The following BCL2 variants were observed in gnomAD, a reference collection of about 807,000 sequenced individuals.
BCL2 encodes the protein BCL2 apoptosis regulator.
In BCL2, 1 loss-of-function variant was observed where a neutral mutation model predicts 14.2. The observed-to-expected ratio is 0.07, with a 90% CI of 0.02 to 0.33. BCL2 has a LOEUF of 0.33. Among genes scored for constraint, BCL2 ranks in the 10% least tolerant of loss-of-function variants. The probability of loss-of-function intolerance (pLI) is 0.99; values close to 1 mark genes in which losing one functional copy is unlikely to be tolerated. For synonymous variants in BCL2, 151 were observed against 137.2 expected, an observed-to-expected ratio of 1.10 and a Z score of -0.70; for missense variants, 247 against 305.9, an observed-to-expected ratio of 0.81 and a Z score of 1.44.
chr18:63,230,034 T>C (rs960080040), intron 2 of BCL2, among the ~76,000 whole-genome samples: 2 of 152,204 alleles, frequency 1.3e-5, no homozygotes, highest in Non-Finnish European at 2.9e-5. Flanking sequence ...TTATACAAGC[T>C]TCAGCTAATG....
At chr18:63,304,277 T>A (rs1913053171) in intron 2 of BCL2, among the ~76,000 whole-genome samples, 1 of 152,226 alleles carries the variant, frequency 6.6e-6, no homozygotes, top group Non-Finnish European at 1.5e-5. Flanking sequence ...GAACAATGAT[T>A]GGCCCAGAGT....
chr18:63,251,219 G>A (rs1039458862), intron 2 of BCL2, among the ~76,000 whole-genome samples: 13 of 152,034 alleles, frequency 8.6e-5, no homozygotes, highest in Non-Finnish European at 1.5e-4. Flanking sequence ...GTTGATGAGG[G>A]GAGGCTCTGT....
intron 2 of BCL2, among the ~76,000 whole-genome samples, chr18:63,214,979 G>A (rs1296949503): frequency 6.6e-6 from 1 of 152,130 alleles, no homozygotes; most frequent in Non-Finnish European, 1.5e-5. Context: ...AAAATGCTGG[G>A]ATTACAGACG....
chr18:63,129,110 G>A lies in BCL2; in HGVS notation c.586-351C>T, dbSNP rs191916593. ...GTAGGAGAGAGTGCTAAGGGCCGAG[G>A]AGAAAAACAGCAGAGGCAGTTAGAA... On this transcript the variant is annotated intron_variant, in intron 2 of 2. Transcript: ENST00000333681. 5.3e-5 allele frequency among the ~76,000 whole-genome samples: 8 copies of A among 152,248 alleles called. No individual in the cohort carries two copies. The East Asian group carries it at 1.5e-3, about 29-fold the overall frequency.
intron 2 of BCL2, among the ~76,000 whole-genome samples, chr18:63,303,732 G>A (rs1913035518): frequency 6.6e-6 from 1 of 152,112 alleles, no homozygotes; most frequent in Non-Finnish European, 1.5e-5. Context: ...GTTAAATCCA[G>A]GGTCTGGCAC....
chr18:63,152,049 C>T (rs1357806851), intron 2 of BCL2, among the ~76,000 whole-genome samples: 1 of 152,128 alleles, frequency 6.6e-6, no homozygotes, highest in African/African-American at 2.4e-5. Flanking sequence ...CTCAGAACTT[C>T]GAGTAGGGGA....
Position 63,149,584 on chromosome 18 carries a change from G to A in BCL2, c.586-20825C>T, listed in dbSNP as rs1346844654. On this transcript the variant is annotated intron_variant, in intron 2 of 2. Coordinates refer to ENST00000333681, the MANE Select transcript of BCL2 (RefSeq NM_000633.3). The surrounding 1 kb of genome is among the most constrained non-coding windows in gnomAD (Gnocchi z 4.2). ...GTGAGGGGAAGCTGGAACTATTCAC[G>A]TATTTACAGGGAGAGTCCGAATAAT... Among the ~76,000 whole-genome samples the A allele has an allele frequency of 1.3e-5, 2 of 152,188 alleles. No individual in the cohort carries two copies. The highest frequency in any genetic ancestry group is 2.9e-5 in the Non-Finnish European group (2 of 68,036).
At chr18:63,155,923 G>A (rs1568218105) in intron 2 of BCL2, among the ~76,000 whole-genome samples, 1 of 152,020 alleles carries the variant, frequency 6.6e-6, no homozygotes, top group Non-Finnish European at 1.5e-5. Flanking sequence ...ACCCTTCCCC[G>A]CCTCCCCAGC....
intron 2 of BCL2, among the ~76,000 whole-genome samples, chr18:63,169,272 C>CTTTCTTTCTTTCTTTCTT (rs1915129991): frequency 1.7e-5 from 1 of 59,008 alleles, no homozygotes; most frequent in Non-Finnish European, 2.8e-5. Context: ...TTCTTTCTTT[C>CTTTCTTTCTTTCTTTCTT]TTTCTTTCTT....
intron 2 of BCL2, among the ~76,000 whole-genome samples, chr18:63,143,272 T>C (rs141750604): frequency 6.6e-6 from 1 of 152,168 alleles, no homozygotes; most frequent in African/African-American, 2.4e-5. Flanking sequence ...AAAGCAATCA[T>C]GGATGAGTTT....
At chr18:63,140,065 T>G (rs1914315277) in intron 2 of BCL2, among the ~76,000 whole-genome samples, 1 of 152,206 alleles carries the variant, frequency 6.6e-6, no homozygotes, top group African/African-American at 2.4e-5. Flanking sequence ...TCACTATCAT[T>G]AGTCATTAGG....
At chr18:63,263,411 G>A (rs1457853234) in intron 2 of BCL2, among the ~76,000 whole-genome samples, 1 of 152,184 alleles carries the variant, frequency 6.6e-6, no homozygotes, top group Non-Finnish European at 1.5e-5. Context: ...ACATGCAGGT[G>A]TGTGAGATCC....
chr18:63,281,341 T>G (rs1242457010), intron 2 of BCL2, among the ~76,000 whole-genome samples: 3 of 152,004 alleles, frequency 2.0e-5, no homozygotes, highest in Non-Finnish European at 4.4e-5. Context: ...TTACATACAT[T>G]TTACCACAAT....
At chr18:63,187,978 G>A (rs993485105) in intron 2 of BCL2, among the ~76,000 whole-genome samples, 1 of 152,170 alleles carries the variant, frequency 6.6e-6, no homozygotes, top group African/African-American at 2.4e-5. Flanking sequence ...CCTGCTCATA[G>A]GGCTGGCGTT....
intron 2 of BCL2, among the ~76,000 whole-genome samples, chr18:63,252,568 C>T (rs1017575012): frequency 6.6e-6 from 1 of 152,124 alleles, no homozygotes; most frequent in Non-Finnish European, 1.5e-5. Context: ...ATGAGTCTCA[C>T]AAGATGTGAT....
intron 2 of BCL2, among the ~76,000 whole-genome samples, chr18:63,306,077 AAAAC>A (rs959905583): frequency 6.6e-6 from 1 of 152,202 alleles, no homozygotes; most frequent in Non-Finnish European, 1.5e-5. Flanking sequence ...CTTATCTCCA[AAAAC>A]AAACAAATAA....
intron 2 of BCL2, among the ~76,000 whole-genome samples, chr18:63,182,868 C>T (rs899245151): frequency 2.6e-5 from 4 of 152,226 alleles, no homozygotes; most frequent in Non-Finnish European, 5.9e-5. Context: ...AAGAGCAACT[C>T]ATTGCAAAAG....
intron 2 of BCL2, among the ~76,000 whole-genome samples, chr18:63,285,939 C>T (rs1912459928): frequency 6.6e-6 from 1 of 152,240 alleles, no homozygotes; most frequent in Non-Finnish European, 1.5e-5. Context: ...AGTTTCCCAC[C>T]TCCAGGTAGT....
chr18:63,254,006 A>G (rs1273075865), intron 2 of BCL2, among the ~76,000 whole-genome samples: 3 of 151,224 alleles, frequency 2.0e-5, no homozygotes, highest in Admixed American at 2.0e-4. Flanking sequence ...ATATAAAGTT[A>G]GTGTTTATTT....
Sources: gnomAD v4.1 joint callset for allele counts (sites outside exome capture counted in the v4.1 genomes callset) on GRCh38, gnomAD v4.1.1 for gene constraint, Gnocchi (gnomAD v3.1) non-coding constraint, MANE v1.5 for transcripts, NCBI Gene and HGNC (gene_info 2026-07-23, HGNC 2026-07-21) for gene names.